The following NAPEPLD variants were observed in gnomAD, a reference collection of about 807,000 sequenced individuals.
The protein encoded by NAPEPLD is N-acyl-phosphatidylethanolamine-hydrolyzing phospholipase D.
In NAPEPLD, 23 loss-of-function variants were observed where a neutral mutation model predicts 38.1. The ratio of observed to expected loss-of-function variants is 0.60; its 90% CI spans 0.43 to 0.86. NAPEPLD has a LOEUF of 0.86. NAPEPLD is among the 40% of genes least tolerant of loss of function. The probability of loss-of-function intolerance (pLI) is 0.00; values close to 1 mark genes in which losing one functional copy is unlikely to be tolerated. For missense variants in NAPEPLD, 411 were observed against 476.8 expected (o/e 0.86, Z 1.28); for synonymous variants, 147 against 162.0 (o/e 0.91, Z 0.71).
At chr7:103,103,955 G>GT (rs1183289873) in intron 4 of NAPEPLD, among the ~76,000 whole-genome samples, 3 of 152,306 alleles carry the variant, frequency 2.0e-5, no homozygotes, top group African/African-American at 7.2e-5. Context: ...TGGTGTGTGT[G>GT]TGTGTGTAAC....
At position 103,101,999 on chromosome 7, in the gene NAPEPLD, T is replaced by TCCCTC. The variant is rs1802467738; in HGVS notation, c.*1429_*1430insGAGGG. The TCCCTC allele has an allele frequency of 8.0e-6, 1 of 124,672 alleles. No individual in the cohort carries two copies. Among genetic ancestry groups the TCCCTC allele is most frequent in the Non-Finnish European group, 1.6e-5 (1 of 61,082 alleles). 7.7% of individuals were successfully genotyped at this position (124,672 alleles called of 1,614,324 possible). A position where few individuals can be genotyped will look rare whatever the true frequency, so the allele number is the denominator to read the frequency against. On this transcript the variant is annotated 3_prime_UTR_variant, in exon 5 of 5. Transcript: ENST00000465647. ...AGGACTAAATCTTATGTCAACTGAC[T>TCCCTC]CCCCCCCCGCCCCCCAACCACTGGC... is the stretch of plus-strand genomic sequence containing the variant.
chr7:103,148,178 A>G, intron 1 of NAPEPLD: 3 of 824,376 alleles, frequency 3.6e-6, no homozygotes, highest in Non-Finnish European at 4.4e-6. Context: ...AATTTGAAGA[A>G]CTGCATCTCA....
chr7:103,127,728 AAG>A (rs538784296), intron 2 of NAPEPLD: 7 of 152,278 alleles, frequency 4.6e-5, no homozygotes, highest in Admixed American at 2.0e-4. Context: ...AAGCAGATGA[AAG>A]AGATGTTGTT....
chr7:103,107,660 G>C (rs1803652208), intron 4 of NAPEPLD, among the ~76,000 whole-genome samples: 1 of 151,892 alleles, frequency 6.6e-6, no homozygotes, highest in Admixed American at 6.6e-5. Flanking sequence ...AGAGATTGAA[G>C]ATCAACTCAA....
Position 103,112,583 on chromosome 7 carries a change from TCA to T in NAPEPLD, c.1056+2475_1056+2476del, listed in dbSNP as rs1804747917. On this transcript the variant is annotated intron_variant, in intron 4 of 4. Coordinates refer to ENST00000465647, the MANE Select transcript of NAPEPLD (RefSeq NM_001122838.3). Reference sequence around the variant, plus strand: ...ACACATGGACACAGAGAGGGGAACATCACACATTGGGGCCTGTCAGGGGGTGG... The same window carrying T: ...ACACATGGACACAGAGAGGGGAACATCACATTGGGGCCTGTCAGGGGGTGG... 2.6e-5 allele frequency among the ~76,000 whole-genome samples: 4 copies of T among 151,654 alleles called. 1 individual carries two copies. Among genetic ancestry groups the T allele is most frequent in the Admixed American group, 2.6e-4 (4 of 15,224 alleles).
At chr7:103,140,387 C>CTTTTTTTTTTTTTTTTTTTTTTT (rs377763676) in intron 1 of NAPEPLD, among the ~76,000 whole-genome samples, 1 of 92,622 alleles carries the variant, frequency 1.1e-5, no homozygotes, top group Non-Finnish European at 1.9e-5. Context: ...TCACAGAACT[C>CTTTTTTTTTTTTTTTTTTTTTTT]TTTTTTTTTT....
rs1184313214 is a variant in NAPEPLD at position 103,128,621 on chromosome 7, T to A, written c.156A>T (p.Glu52Asp). The A allele has an allele frequency of 1.2e-6, 2 of 1,614,106 alleles. No homozygotes were observed. Among genetic ancestry groups the A allele is most frequent in the Admixed American group, 1.7e-5 (1 of 60,010 alleles). ...TTCCTTTCTTGGATTTAGTTACATC[T>A]TCTTCTAGTCTATAATCCAGTTTGA... The part of the protein sequence containing the change: ...KSFKLDYRLE[E>D]DVTKSKKGKD... Residue 52 changes from glutamate to aspartate, a missense_variant, in exon 2 of 5, where the codon GAA becomes GAT. Glu to Asp is a conservative substitution (Grantham distance 45). Coordinates refer to ENST00000465647, the MANE Select transcript of NAPEPLD (RefSeq NM_001122838.3).
At chr7:103,141,956 G>T in intron 1 of NAPEPLD, 1 of 820,384 alleles carries the variant, frequency 1.2e-6, no homozygotes. Context: ...AGCCACAGCA[G>T]CGAAAGGAAA....
rs1802422908 is a variant in NAPEPLD, at chr7:103,101,713, G to C, written c.*1716C>G. 1 of 152,706 alleles carries C rather than the reference G, an allele frequency of 6.5e-6. No individual in the cohort carries two copies. The highest frequency in any genetic ancestry group is 1.5e-5 in the Non-Finnish European group (1 of 68,040). 9.5% of individuals were successfully genotyped at this position (152,706 alleles called of 1,614,324 possible). Reference sequence around the variant, plus strand: ...CAGTGAGCACTGGTGACTTGTTTCAGGTTACACAAAAAAATCCATGATGAA... The same window carrying C: ...CAGTGAGCACTGGTGACTTGTTTCACGTTACACAAAAAAATCCATGATGAA... On this transcript the variant is annotated 3_prime_UTR_variant, in exon 5 of 5. Coordinates refer to ENST00000465647, the MANE Select transcript of NAPEPLD (RefSeq NM_001122838.3).
chr7:103,128,434 G>A (rs200133850), intron 2 of NAPEPLD, 49 bp downstream of exon 2: 1 of 1,588,036 alleles, frequency 6.3e-7, no homozygotes, highest in African/African-American at 1.4e-5. Flanking sequence ...TAACTAGAGT[G>A]TCATATATGA....
At chr7:103,117,752 G>T (rs1455144295) in intron 3 of NAPEPLD, among the ~76,000 whole-genome samples, 1 of 152,276 alleles carries the variant, frequency 6.6e-6, no homozygotes, top group East Asian at 1.9e-4. Context: ...TGCCTGCAAT[G>T]CAAGCAGGAA....
chr7:103,127,313 T>G (rs2129530088), intron 2 of NAPEPLD: 1 of 152,308 alleles, frequency 6.6e-6, no homozygotes, highest in African/African-American at 2.4e-5. Flanking sequence ...GGCAATACTC[T>G]CAAATTCTGA....
Position 103,148,649 on chromosome 7 carries a change from C to A in NAPEPLD, c.-17+162G>T, listed in dbSNP as rs915340393. Among the ~76,000 whole-genome samples the A allele has an allele frequency of 3.2e-4, 48 of 151,464 alleles. 1 individual carries two copies. Among genetic ancestry groups the A allele is most frequent in the African/African-American group, 1.2e-3 (48 of 41,406 alleles). On this transcript the variant is annotated intron_variant, in intron 1 of 4. Coordinates refer to ENST00000465647, the MANE Select transcript of NAPEPLD (RefSeq NM_001122838.3). ...CATTTTTTTTTTTGCTCTTCATTTC[C>A]ATTCCATAGTTAAATAAGTACACTT...
At chr7:103,149,583 C>G, upstream of NAPEPLD, 2 of 961,392 alleles carry the variant, frequency 2.1e-6, no homozygotes, top group Non-Finnish European at 2.7e-6. Context: ...CAGCCCTTAC[C>G]AAGATGGCCG....
At chr7:103,137,446 C>T (rs1157051545) in intron 1 of NAPEPLD, among the ~76,000 whole-genome samples, 1 of 151,964 alleles carries the variant, frequency 6.6e-6, no homozygotes, top group Non-Finnish European at 1.5e-5. Flanking sequence ...AAGAACAAAG[C>T]CTATTTATGA....
rs1190358152 is a variant in NAPEPLD, at chr7:103,103,425, T to C, written c.*4A>G. The C allele has an allele frequency of 6.4e-7, 1 of 1,551,824 alleles. No homozygotes were observed. Among genetic ancestry groups the C allele is most frequent in the Non-Finnish European group, 8.6e-7 (1 of 1,159,124 alleles). On this transcript the variant is annotated 3_prime_UTR_variant, in exon 5 of 5. Coordinates refer to ENST00000465647, the MANE Select transcript of NAPEPLD (RefSeq NM_001122838.3). ...TTCATTAAAAGTGCCTGTGCTCACA[T>C]TTATTAAAAGTTTTCATCATCATTA...
chr7:103,137,373 T>A (rs1810287410), intron 1 of NAPEPLD, among the ~76,000 whole-genome samples: 1 of 152,088 alleles, frequency 6.6e-6, no homozygotes, highest in South Asian at 2.1e-4. Flanking sequence ...GTTTTCCCCA[T>A]ATGTAAGAAA....
chr7:103,118,642 T>C (rs1377319487), intron 3 of NAPEPLD, among the ~76,000 whole-genome samples: 1 of 152,256 alleles, frequency 6.6e-6, no homozygotes, highest in African/African-American at 2.4e-5. Context: ...CCATGCACTA[T>C]AGAATACAAT....
chr7:103,141,591 G>A (rs905126223), intron 1 of NAPEPLD: 19 of 976,096 alleles, frequency 1.9e-5, no homozygotes, highest in African/African-American at 3.2e-5. Context: ...TACATGCGGC[G>A]ATCAATCTTC....
Sources: gnomAD v4.1 joint callset for allele counts (sites outside exome capture counted in the v4.1 genomes callset) on GRCh38, gnomAD v4.1.1 for gene constraint, MANE v1.5 for transcripts, NCBI Gene and HGNC (gene_info 2026-07-23, HGNC 2026-07-21) for gene names.